The following SPATA19 variants were observed in gnomAD, a reference collection of about 807,000 sequenced individuals.
SPATA19 encodes the protein spermatogenesis associated 19.
SPATA19 carries 19 observed loss-of-function variants against 25.0 expected under a neutral mutation model. The observed-to-expected ratio is 0.76, with a 90% confidence interval of 0.53 to 1.11. The LOEUF (loss-of-function observed/expected upper bound fraction) is 1.11. SPATA19 is among the 50% of genes most tolerant of loss of function. The pLI, the probability that SPATA19 is intolerant of heterozygous loss-of-function variation, is 0.00. For missense variants in SPATA19, 222 were observed against 211.4 expected, an observed-to-expected ratio of 1.05 and a Z score of -0.31; for synonymous variants, 64 against 69.3, an observed-to-expected ratio of 0.92 and a Z score of 0.38.
chr11:133,844,601 A>G lies in SPATA19; in HGVS notation c.175T>C (p.Ser59Pro), dbSNP rs1340095846. 6.2e-7 allele frequency: 1 copy of G among 1,613,382 alleles called. No individual in the cohort carries two copies. The highest frequency in any genetic ancestry group is 1.1e-5 in the South Asian group (1 of 90,900). Residue 59 changes from serine to proline, a missense_variant, in exon 3 of 7, where the codon TCC becomes CCC. Transcript: ENST00000299140. ...EASRGIKEKL[S>P]INHPSQGVRE... ...ACACCCTGGGAAGGGTGGTTGATGGACAGCTTTTCCTTTATGCCCCGAGAA... is the reference window on the plus strand; with the variant it reads ...ACACCCTGGGAAGGGTGGTTGATGGGCAGCTTTTCCTTTATGCCCCGAGAA...
At chr11:133,837,420 C>T (rs74427672), downstream of SPATA19, among the ~76,000 whole-genome samples, 3,328 of 152,314 alleles carry the variant, frequency 0.022, 86 homozygotes, top group African/African-American at 0.06. Context: ...TTAAAAAGTC[C>T]AGGGCCCAGT....
In SPATA19 at chr11:133,840,749, G is replaced by A. The variant is rs1203994028; in HGVS notation, c.*184C>T. The A allele has an allele frequency of 1.3e-5, 2 of 152,178 alleles. No individual in the cohort carries two copies. Among genetic ancestry groups the A allele is most frequent in the Non-Finnish European group, 2.9e-5 (2 of 68,054 alleles). 9.4% of individuals were successfully genotyped at this position (152,178 alleles called of 1,614,324 possible). A position where few individuals can be genotyped will look rare whatever the true frequency, so the allele number is the denominator to read the frequency against. On this transcript the variant is annotated 3_prime_UTR_variant, in exon 7 of 7. Transcript: ENST00000299140. ...CTGCCCAGGTCTGGCCCTTCTTCAG[G>A]TCAAGCAGAGAAGGATGTTCTTCTG... is the stretch of plus-strand genomic sequence containing the variant.
At chr11:133,844,363 A>T in intron 3 of SPATA19, 26 bp from the exon 4 acceptor site, 1 of 1,613,442 alleles carries the variant, frequency 6.2e-7, no homozygotes, top group Non-Finnish European at 8.5e-7. Flanking sequence ...GGTCCATGTG[A>T]TTCCTGCCCA....
intron 4 of SPATA19, 149 bp downstream of exon 4, chr11:133,844,097 G>A (rs928972585): frequency 3.6e-5 from 24 of 657,688 alleles, no homozygotes; most frequent in Non-Finnish European, 6.5e-5. Flanking sequence ...AGATAGCAAG[G>A]ATATTCCCTT....
chr11:133,840,066 T>A (rs996286463), downstream of SPATA19, among the ~76,000 whole-genome samples: 1 of 152,268 alleles, frequency 6.6e-6, no homozygotes, highest in East Asian at 1.9e-4. Flanking sequence ...GAAAACACCT[T>A]ATCTATAGAG....
At position 133,845,302 on chromosome 11, in the gene SPATA19, G is replaced by A. The variant is rs189065592; in HGVS notation, c.78+67C>T. 8,592 of 1,483,094 alleles carry A rather than the reference G, an allele frequency of 5.8e-3. 55 individuals are homozygous for A. The highest frequency in any genetic ancestry group is 0.012 in the South Asian group (1,039 of 88,296). The allele number at this position is 1,483,094 out of a possible 1,614,324, so 91.9% of individuals were successfully genotyped here. On this transcript the variant is annotated intron_variant, in intron 1 of 6. Transcript: ENST00000299140. ...ATTTGTAAGATCTCTATGAAGTGCA[G>A]CAGGGTCCCACAGGGGGAGAAGATA... is the stretch of plus-strand genomic sequence containing the variant.
chr11:133,842,687 C>T, intron 4 of SPATA19, 125 bp from the exon 5 acceptor site: 1 of 776,362 alleles, frequency 1.3e-6, no homozygotes, highest in South Asian at 1.5e-5. Context: ...AACTTTTGAG[C>T]TGGTCTCTCC....
chr11:133,844,730 A>G lies in SPATA19; in HGVS notation c.136-90T>C, dbSNP rs1938385201. On this transcript the variant is annotated intron_variant, in intron 2 of 6. Coordinates refer to ENST00000299140, the MANE Select transcript of SPATA19 (RefSeq NM_174927.3). ...CTTCCTTTCCTTTTATTCATTCTCC[A>G]TCACAACTCACACACCACATATTCA... 4 of 1,421,726 alleles carry G rather than the reference A, an allele frequency of 2.8e-6. No homozygotes were observed. The African/African-American group carries it at 4.3e-5, about 15-fold the overall frequency. 88.1% of individuals were successfully genotyped at this position (1,421,726 alleles called of 1,614,324 possible). A position where few individuals can be genotyped will look rare whatever the true frequency, so the allele number is the denominator to read the frequency against.
At chr11:133,845,257 C>G in intron 1 of SPATA19, 67 bp from the exon 2 acceptor site, 1 of 1,543,618 alleles carries the variant, frequency 6.5e-7, no homozygotes, top group South Asian at 1.1e-5. Context: ...ACCCAGCCCC[C>G]GCAACTGTTA....
In SPATA19 at chr11:133,844,566, C is replaced by T. The variant is rs1465173242; in HGVS notation, c.210G>A (p.Lys70=). 12 of 1,614,170 alleles carry T rather than the reference C, an allele frequency of 7.4e-6. No homozygotes were observed. The highest frequency in any genetic ancestry group is 4.0e-5 in the African/African-American group (3 of 75,054). The part of the protein sequence containing the change: ...INHPSQGVRE[K]MSTDSPPTHG... ...GGGTGGGAGGGGAGTCAGTGGACAT[C>T]TTCTCCCTTACACCCTGGGAAGGGT... Residue 70 remains lysine (K), a synonymous_variant, in exon 3 of 7, where the codon AAG becomes AAA. Transcript: ENST00000299140.
chr11:133,845,227 C>G, intron 1 of SPATA19, 37 bp from the exon 2 acceptor site: 14 of 1,610,476 alleles, frequency 8.7e-6, no homozygotes, highest in Non-Finnish European at 1.2e-5. Context: ...CTCAGAAAAC[C>G]TAGAAATTCA....
intron 4 of SPATA19, among the ~76,000 whole-genome samples, chr11:133,843,620 C>T (rs1196018740): frequency 6.6e-6 from 1 of 152,196 alleles, no homozygotes; most frequent in East Asian, 1.9e-4. Flanking sequence ...CCAGTCTAAG[C>T]CCTCAGTCCC....
downstream of SPATA19, among the ~76,000 whole-genome samples, chr11:133,837,505 G>A (rs1418944763): frequency 1.3e-5 from 2 of 152,178 alleles, no homozygotes; most frequent in African/African-American, 2.4e-5. Flanking sequence ...GAAAAGAGAA[G>A]GGGAAAGTAG....
downstream of SPATA19, among the ~76,000 whole-genome samples, chr11:133,837,689 A>T (rs1938236993): frequency 6.6e-6 from 1 of 152,168 alleles, no homozygotes; most frequent in African/African-American, 2.4e-5. Flanking sequence ...GCTGAGAATC[A>T]CACAGAAAGG....
At chr11:133,844,918 G>A (rs1938388129) in intron 2 of SPATA19, among the ~76,000 whole-genome samples, 1 of 152,168 alleles carries the variant, frequency 6.6e-6, no homozygotes, top group Non-Finnish European at 1.5e-5. Flanking sequence ...TGAGAAGCAG[G>A]ACGGCGTTAG....
chr11:133,839,171 C>T (rs1039288321), downstream of SPATA19, among the ~76,000 whole-genome samples: 1 of 152,136 alleles, frequency 6.6e-6, no homozygotes, highest in African/African-American at 2.4e-5. Flanking sequence ...CCCAGCCATC[C>T]CATTACTGGG....
downstream of SPATA19, among the ~76,000 whole-genome samples, chr11:133,839,291 A>C (rs2121173306): frequency 6.6e-6 from 1 of 152,326 alleles, no homozygotes; most frequent in East Asian, 1.9e-4. Context: ...CAAATGTCCA[A>C]CAATGATAGA....
chr11:133,842,908 T>A (rs2121182759), intron 4 of SPATA19, among the ~76,000 whole-genome samples: 1 of 152,234 alleles, frequency 6.6e-6, no homozygotes, highest in East Asian at 1.9e-4. Context: ...TCATCAGCTC[T>A]TGATGACCTG....
At chr11:133,838,537 G>T (rs1265747475), downstream of SPATA19, among the ~76,000 whole-genome samples, 1 of 152,158 alleles carries the variant, frequency 6.6e-6, no homozygotes, top group African/African-American at 2.4e-5. Flanking sequence ...ATTCAAGATG[G>T]ATTAAAGACT....
Sources: gnomAD v4.1 joint callset for allele counts (sites outside exome capture counted in the v4.1 genomes callset) on GRCh38, gnomAD v4.1.1 for gene constraint, MANE v1.5 for transcripts, NCBI Gene and HGNC (gene_info 2026-07-23, HGNC 2026-07-21) for gene names.